The following CPQ variants were observed in gnomAD, a reference collection of about 807,000 sequenced individuals.
CPQ encodes carboxypeptidase Q.
In CPQ, 37 loss-of-function variants were observed where a neutral mutation model predicts 45.7. The ratio of observed to expected loss-of-function variants is 0.81; its 90% CI spans 0.62 to 1.07. The LOEUF is 1.07. CPQ is among the 50% of genes least tolerant of loss of function. CPQ has a pLI of 0.00. For synonymous variants in CPQ, 186 were observed against 205.8 expected, an observed-to-expected ratio of 0.90 and a Z score of 0.82; for missense variants, 537 against 572.9, an observed-to-expected ratio of 0.94 and a Z score of 0.64.
At chr8:97,108,962 T>C (rs1385922258) in intron 7 of CPQ, among the ~76,000 whole-genome samples, 1 of 152,206 alleles carries the variant, frequency 6.6e-6, no homozygotes. Flanking sequence ...GTCACCACCG[T>C]TCAGCTCATC....
At chr8:97,097,002 G>T (rs1157119176) in intron 7 of CPQ, among the ~76,000 whole-genome samples, 1 of 152,182 alleles carries the variant, frequency 6.6e-6, no homozygotes, top group African/African-American at 2.4e-5. Flanking sequence ...CTATACTGAG[G>T]CTTCATATAT....
At chr8:96,968,779 C>T (rs1813614726) in intron 5 of CPQ, among the ~76,000 whole-genome samples, 2 of 152,208 alleles carry the variant, frequency 1.3e-5, no homozygotes, top group South Asian at 2.1e-4. Context: ...CCTCTCACCA[C>T]TCTTATAGAT....
chr8:96,696,857 G>C (rs1809391411), intron 1 of CPQ, among the ~76,000 whole-genome samples: 1 of 152,098 alleles, frequency 6.6e-6, no homozygotes, highest in African/African-American at 2.4e-5. Flanking sequence ...CAAGTAACGA[G>C]ATGGAAGCCA....
rs2130533500 is a variant in CPQ at position 97,068,907 on chromosome 8, T to C, written c.1255+2697T>C. On this transcript the variant is annotated intron_variant, in intron 7 of 7. Transcript: ENST00000220763. ...GGCTGGTGGCCCTTTTCTCACAATA[T>C]GCAACAACACTGAGGGGTCTGGAAT... Among the ~76,000 whole-genome samples, 6 of 152,248 alleles carry C rather than the reference T, an allele frequency of 3.9e-5. No homozygotes were observed. In the South Asian group the frequency reaches 1.2e-3, roughly 32 times the overall value.
intron 3 of CPQ, among the ~76,000 whole-genome samples, chr8:96,860,926 A>G (rs775928441): frequency 4.6e-5 from 7 of 152,172 alleles, no homozygotes; most frequent in Non-Finnish European, 1.0e-4. Flanking sequence ...TGTCTTGGTA[A>G]TAAATGCTGG....
intron 1 of CPQ, among the ~76,000 whole-genome samples, chr8:96,734,242 C>T (rs1348572532): frequency 5.9e-5 from 9 of 152,178 alleles, no homozygotes; most frequent in African/African-American, 1.2e-4. Context: ...CATCTGGGAC[C>T]GGATCACATT....
chr8:96,794,930 T>C (rs955755429), intron 2 of CPQ, among the ~76,000 whole-genome samples: 3 of 152,160 alleles, frequency 2.0e-5, no homozygotes, highest in African/African-American at 7.2e-5. Context: ...ATTGTCCATA[T>C]TATTATGAGC....
intron 4 of CPQ, among the ~76,000 whole-genome samples, chr8:96,963,430 G>C (rs1813496995): frequency 1.3e-5 from 2 of 152,208 alleles, no homozygotes; most frequent in Middle Eastern, 3.4e-3. Flanking sequence ...GTTAGTTTGG[G>C]GGATTGTGCT....
chr8:96,959,802 A>G (rs962613908), intron 4 of CPQ, among the ~76,000 whole-genome samples: 1 of 151,678 alleles, frequency 6.6e-6, no homozygotes, highest in Non-Finnish European at 1.5e-5. Context: ...TTGTACCCCT[A>G]AGACTTTTCC....
At chr8:96,774,413 A>T (rs1233657257) in intron 1 of CPQ, among the ~76,000 whole-genome samples, 1 of 152,206 alleles carries the variant, frequency 6.6e-6, no homozygotes, top group Admixed American at 6.5e-5. Context: ...TGGGCTTAAG[A>T]TAAATCTGGT....
chr8:97,138,662 GAAGT>G (rs1304865590), intron 7 of CPQ, among the ~76,000 whole-genome samples: 2 of 152,156 alleles, frequency 1.3e-5, no homozygotes, highest in Non-Finnish European at 2.9e-5. Flanking sequence ...AAAATCTATA[GAAGT>G]AAGAAAACCC....
At chr8:96,925,945 C>T (rs187250823) in intron 4 of CPQ, among the ~76,000 whole-genome samples, 3 of 152,252 alleles carry the variant, frequency 2.0e-5, no homozygotes, top group East Asian at 3.9e-4. Context: ...GCCTTGGCCT[C>T]CCAAAGTGCT....
At chr8:96,941,786 G>A (rs1304360580) in intron 4 of CPQ, among the ~76,000 whole-genome samples, 1 of 152,138 alleles carries the variant, frequency 6.6e-6, no homozygotes, top group Non-Finnish European at 1.5e-5. Flanking sequence ...ATGAAACTTT[G>A]TGATTTTATT....
rs1172189500 is a variant in CPQ, at chr8:96,767,635, C to CTTTTTTTTTTTTTTTTT, written c.-34-17219_-34-17203dup. 2.1e-3 allele frequency among the ~76,000 whole-genome samples: 83 copies of CTTTTTTTTTTTTTTTTT among 39,314 alleles called. 14 individuals are homozygous for CTTTTTTTTTTTTTTTTT. Among genetic ancestry groups the CTTTTTTTTTTTTTTTTT allele is most frequent in the Middle Eastern group, 0.029 (1 of 34 alleles). The allele number at this position is 39,314 out of a possible 152,430, so 25.8% of individuals were successfully genotyped here. A position where few individuals can be genotyped will look rare whatever the true frequency, so the allele number is the denominator to read the frequency against. ...AATCCCTTTCAGCTGGTTACCTATGCTTTTTTTTTTTTTTTTTTTTTTTTT... is the reference window on the plus strand; with the variant it reads ...AATCCCTTTCAGCTGGTTACCTATGCTTTTTTTTTTTTTTTTTTTTTTTTTTTTTTTTTTTTTTTTTT... On this transcript the variant is annotated intron_variant, in intron 1 of 7. Coordinates refer to ENST00000220763, the MANE Select transcript of CPQ (RefSeq NM_016134.4).
chr8:97,120,090 T>C (rs1811672879), intron 7 of CPQ, among the ~76,000 whole-genome samples: 1 of 152,168 alleles, frequency 6.6e-6, no homozygotes, highest in Non-Finnish European at 1.5e-5. Context: ...CACAAGTAAA[T>C]AACAAAACTT....
chr8:96,724,604 GATAAC>G (rs1809811067), intron 1 of CPQ, among the ~76,000 whole-genome samples: 1 of 151,824 alleles, frequency 6.6e-6, no homozygotes, highest in African/African-American at 2.4e-5. Flanking sequence ...AGAAATCATA[GATAAC>G]ATAAGCATAT....
chr8:96,807,523 G>T (rs573468945), intron 2 of CPQ, among the ~76,000 whole-genome samples: 1 of 152,062 alleles, frequency 6.6e-6, no homozygotes, highest in Non-Finnish European at 1.5e-5. Context: ...TTGAGCCACC[G>T]CGCCCGGCTG....
At chr8:97,015,682 C>T (rs1203785270) in intron 5 of CPQ, among the ~76,000 whole-genome samples, 1 of 152,018 alleles carries the variant, frequency 6.6e-6, no homozygotes, top group Non-Finnish European at 1.5e-5. Flanking sequence ...GCATTGGTGG[C>T]ATGTGTCAAG....
chr8:96,961,187 C>T (rs1813456098), intron 4 of CPQ, among the ~76,000 whole-genome samples: 1 of 152,198 alleles, frequency 6.6e-6, no homozygotes, highest in Non-Finnish European at 1.5e-5. Flanking sequence ...ATTCCTATTG[C>T]TCAGCCTCCT....
Sources: gnomAD v4.1 joint callset for allele counts (sites outside exome capture counted in the v4.1 genomes callset) on GRCh38, gnomAD v4.1.1 for gene constraint, MANE v1.5 for transcripts, NCBI Gene and HGNC (gene_info 2026-07-23, HGNC 2026-07-21) for gene names.